CFAP95: variants seen among roughly 807,000 people sequenced by gnomAD.
CFAP95 encodes cilia and flagella associated protein 95.
chr9:69,856,487 C>T, the CFAP95 span: 1 of 841,552 alleles, frequency 1.2e-6, no homozygotes, highest in Admixed American at 2.5e-5. Context: ...TCAATAAAAA[C>T]ATGTTTTAGT....
chr9:69,890,859 C>T, the CFAP95 span, among the ~76,000 whole-genome samples: 4,082 of 152,256 alleles, frequency 0.027, 173 homozygotes, highest in African/African-American at 0.093. Flanking sequence ...GTTTATCATT[C>T]CATAGCTCTA....
At chr9:69,827,580 G>A in the CFAP95 span, among the ~76,000 whole-genome samples, 1 of 152,168 alleles carries the variant, frequency 6.6e-6, no homozygotes, top group Non-Finnish European at 1.5e-5. Flanking sequence ...CTGAGGTTAT[G>A]TGACATTTTG....
chr9:69,820,994 C>A, the CFAP95 span: 1 of 1,613,880 alleles, frequency 6.2e-7, no homozygotes, highest in Non-Finnish European at 8.5e-7. Context: ...CCGCTCCCAT[C>A]ACAAGAAATA....
the CFAP95 span, among the ~76,000 whole-genome samples, chr9:69,827,535 C>G: frequency 6.6e-6 from 1 of 152,236 alleles, no homozygotes; most frequent in East Asian, 1.9e-4. Flanking sequence ...TCCACCTTCT[C>G]CTTCCCCCAC....
the CFAP95 span, among the ~76,000 whole-genome samples, chr9:69,861,657 A>T: frequency 7.0e-6 from 1 of 142,948 alleles, no homozygotes; most frequent in Non-Finnish European, 1.5e-5. Flanking sequence ...CAGGCACCAC[A>T]TGTCAGTCTT....
chr9:69,874,604 A>G, the CFAP95 span, among the ~76,000 whole-genome samples: 1 of 152,206 alleles, frequency 6.6e-6, no homozygotes, highest in South Asian at 2.1e-4. Context: ...ACTAAAAAAA[A>G]CCTGGGATTC....
the CFAP95 span, among the ~76,000 whole-genome samples, chr9:69,842,849 G>T: frequency 1.4e-4 from 21 of 152,164 alleles, no homozygotes; most frequent in Non-Finnish European, 2.4e-4. Context: ...GCTCAGGTGT[G>T]TTTTGCTTGC....
chr9:69,876,286 A>ATT, the CFAP95 span, among the ~76,000 whole-genome samples: 2 of 152,188 alleles, frequency 1.3e-5, no homozygotes, highest in African/African-American at 4.8e-5. Context: ...TAATCCCAGC[A>ATT]TTTTGGGAGA....
chr9:69,875,447 A>C, the CFAP95 span, among the ~76,000 whole-genome samples: 1 of 152,144 alleles, frequency 6.6e-6, no homozygotes. Context: ...TATTCAATGA[A>C]TGTTTCTCAT....
the CFAP95 span, chr9:69,857,978 GT>G: frequency 6.2e-7 from 1 of 1,613,474 alleles, no homozygotes; most frequent in Non-Finnish European, 8.5e-7. Context: ...GGAGCAAAAT[GT>G]TAGTAGTCCC....
At chr9:69,851,374 G>T in the CFAP95 span, among the ~76,000 whole-genome samples, 1 of 151,982 alleles carries the variant, frequency 6.6e-6, no homozygotes, top group Non-Finnish European at 1.5e-5. Flanking sequence ...GAAGCCTATT[G>T]GTCCCATTTC....
chr9:69,840,612 C>A, the CFAP95 span, among the ~76,000 whole-genome samples: 2,440 of 152,180 alleles, frequency 0.016, 50 homozygotes, highest in African/African-American at 0.053. Context: ...AAGCCTCAAT[C>A]ATTTTATATA....
the CFAP95 span, among the ~76,000 whole-genome samples, chr9:69,903,355 T>A: frequency 1.3e-5 from 2 of 152,226 alleles, no homozygotes; most frequent in East Asian, 3.8e-4. Flanking sequence ...ATGCCACTAT[T>A]CTGATTATCT....
chr9:69,898,220 T>C, the CFAP95 span, among the ~76,000 whole-genome samples: 3 of 152,146 alleles, frequency 2.0e-5, no homozygotes, highest in Non-Finnish European at 1.5e-5. Flanking sequence ...AATTGTTGAT[T>C]ACCACCACAT....
the CFAP95 span, among the ~76,000 whole-genome samples, chr9:69,837,493 AT>A: frequency 6.6e-6 from 1 of 152,034 alleles, no homozygotes; most frequent in Non-Finnish European, 1.5e-5. Context: ...GATGATGAGC[AT>A]TTTTTCACGT....
At chr9:69,850,212 T>C in the CFAP95 span, among the ~76,000 whole-genome samples, 5 of 152,240 alleles carry the variant, frequency 3.3e-5, no homozygotes, top group African/African-American at 1.2e-4. Context: ...GCTGAGAACT[T>C]GTCAGACATA....
At chr9:69,839,343 G>A in the CFAP95 span, among the ~76,000 whole-genome samples, 31 of 148,750 alleles carry the variant, frequency 2.1e-4, no homozygotes, top group African/African-American at 7.4e-4. Context: ...GGTAGAATTC[G>A]GCTGTGAATC....
At chr9:69,849,579 T>C in the CFAP95 span, among the ~76,000 whole-genome samples, 2 of 152,116 alleles carry the variant, frequency 1.3e-5, no homozygotes, top group Non-Finnish European at 1.5e-5. Flanking sequence ...ATGGATGCTA[T>C]GACAGGAAGA....
chr9:69,857,086 GA>G, the CFAP95 span, among the ~76,000 whole-genome samples: 1 of 152,128 alleles, frequency 6.6e-6, no homozygotes, highest in Non-Finnish European at 1.5e-5. Flanking sequence ...AAATTTAGAC[GA>G]AATAAAGTAT....
Sources: gnomAD v4.1 joint callset for allele counts (sites outside exome capture counted in the v4.1 genomes callset) on GRCh38, gnomAD v4.1.1 for gene constraint, MANE v1.5 for transcripts, NCBI Gene and HGNC (gene_info 2026-07-23, HGNC 2026-07-21) for gene names.